The following BTAF1 variants were observed in gnomAD, a reference collection of about 807,000 sequenced individuals.
BTAF1 encodes the protein TATA-binding protein-associated factor 172.
Under a neutral mutation model 227.1 loss-of-function variants are expected in BTAF1, and 38 were observed. That is an observed-to-expected ratio of 0.17 (90% CI 0.13 to 0.22). The LOEUF is 0.22. BTAF1 is among the 10% of genes least tolerant of loss of function. The probability of loss-of-function intolerance (pLI) is 1.00; values close to 1 mark genes in which losing one functional copy is unlikely to be tolerated. For synonymous variants in BTAF1, 742 were observed against 751.9 expected (o/e 0.99, Z 0.21); for missense variants, 1,598 against 2,204.0 (o/e 0.73, Z 5.51).
chr10:92,001,371 A>G (rs1212371662), intron 25 of BTAF1, among the ~76,000 whole-genome samples: 1 of 152,126 alleles, frequency 6.6e-6, no homozygotes, highest in African/African-American at 2.4e-5. Context: ...GAGACTGGGG[A>G]AAGAGTCACT....
At chr10:91,955,599 T>A (rs922609120) in intron 6 of BTAF1, among the ~76,000 whole-genome samples, 5 of 152,146 alleles carry the variant, frequency 3.3e-5, no homozygotes, top group African/African-American at 1.2e-4. Flanking sequence ...TGAGTAACAA[T>A]CTGAAAGAAA....
intron 25 of BTAF1, among the ~76,000 whole-genome samples, chr10:92,001,434 G>T (rs1432891532): frequency 6.6e-6 from 1 of 152,180 alleles, no homozygotes; most frequent in Non-Finnish European, 1.5e-5. Flanking sequence ...GCTGGGAATA[G>T]TTTGTATTTC....
chr10:91,939,152 C>G (rs1345509603), intron 2 of BTAF1, among the ~76,000 whole-genome samples: 2 of 152,044 alleles, frequency 1.3e-5, no homozygotes, highest in South Asian at 2.1e-4. Context: ...TTTCATTGTA[C>G]AAGTCATACA....
intron 21 of BTAF1, among the ~76,000 whole-genome samples, chr10:91,993,240 T>G (rs868749486): frequency 8.1e-4 from 123 of 152,322 alleles, no homozygotes; most frequent in African/African-American, 2.8e-3. Flanking sequence ...GACAGATTTA[T>G]GGACCGTAAT....
chr10:92,007,639 C>T (rs142823693), intron 25 of BTAF1, among the ~76,000 whole-genome samples: 93 of 152,298 alleles, frequency 6.1e-4, no homozygotes, highest in African/African-American at 2.0e-3. Flanking sequence ...CAGAGGTACA[C>T]GCAGTTTTCT....
intron 20 of BTAF1, among the ~76,000 whole-genome samples, chr10:91,991,793 G>GTATA (rs1307734990): frequency 1.4e-3 from 120 of 83,376 alleles, no homozygotes; most frequent in African/African-American, 3.5e-3. Context: ...GTGTGTGTGT[G>GTATA]TGTGTATATA....
intron 14 of BTAF1, among the ~76,000 whole-genome samples, chr10:91,979,679 G>T (rs1847940985): frequency 6.6e-6 from 1 of 152,172 alleles, no homozygotes; most frequent in African/African-American, 2.4e-5. Flanking sequence ...CAGTGAGCTT[G>T]TAATTGTTTG....
chr10:91,958,962 C>A, intron 8 of BTAF1, 103 bp from the exon 9 acceptor site: 1 of 1,002,076 alleles, frequency 1.0e-6, no homozygotes, highest in Non-Finnish European at 1.5e-6. Flanking sequence ...TTAGTTTATT[C>A]TAATTTCTTA....
intron 26 of BTAF1, among the ~76,000 whole-genome samples, chr10:92,008,539 C>T (rs911185350): frequency 1.4e-5 from 2 of 146,988 alleles, no homozygotes; most frequent in African/African-American, 5.1e-5. Flanking sequence ...GTAGAGGCAG[C>T]GTTCTCATTT....
At chr10:92,025,870 A>G (rs907546013) in intron 35 of BTAF1, among the ~76,000 whole-genome samples, 35 of 150,846 alleles carry the variant, frequency 2.3e-4, no homozygotes, top group Non-Finnish European at 4.7e-4. Context: ...CAATAAAGTT[A>G]GAGACCCGGG....
At chr10:91,975,257 A>C (rs1422085828) in intron 14 of BTAF1, among the ~76,000 whole-genome samples, 1 of 152,226 alleles carries the variant, frequency 6.6e-6, no homozygotes, top group Non-Finnish European at 1.5e-5. Context: ...TTACATGAAG[A>C]TATACATGAG....
chr10:91,936,822 T>G (rs1041131406), intron 2 of BTAF1, among the ~76,000 whole-genome samples: 6 of 152,168 alleles, frequency 3.9e-5, no homozygotes, highest in African/African-American at 1.4e-4. Flanking sequence ...TGAACAGGCC[T>G]CATCTGTGCT....
At chr10:92,027,480 A>AT (rs11368442) in intron 37 of BTAF1, among the ~76,000 whole-genome samples, 180 bp downstream of exon 37, 55,300 of 149,304 alleles carry the variant, frequency 0.37, 11,882 homozygotes, top group African/African-American at 0.62. Flanking sequence ...TGAAGTTTTG[A>AT]TTTTTTTTTT....
intron 4 of BTAF1, among the ~76,000 whole-genome samples, chr10:91,944,638 G>C (rs1248355442): frequency 6.6e-6 from 1 of 152,198 alleles, no homozygotes. Context: ...ACAGGTATGT[G>C]TAACTATCAC....
intron 7 of BTAF1, 40 bp from the exon 8 acceptor site, chr10:91,957,185 G>T: frequency 6.7e-7 from 1 of 1,498,494 alleles, no homozygotes; most frequent in Non-Finnish European, 9.3e-7. Flanking sequence ...GCATAAAATA[G>T]ACCTTTTGAA....
chr10:91,963,799 A>G (rs943116664), intron 12 of BTAF1, among the ~76,000 whole-genome samples: 8 of 152,244 alleles, frequency 5.3e-5, no homozygotes, highest in South Asian at 2.1e-4. Flanking sequence ...TTTACATAAA[A>G]TAGTTGTGGC....
At chr10:91,995,689 A>AG (rs1849094796) in intron 23 of BTAF1, among the ~76,000 whole-genome samples, 1 of 151,922 alleles carries the variant, frequency 6.6e-6, no homozygotes, top group Non-Finnish European at 1.5e-5. Context: ...AAAAAAAAGA[A>AG]GGAAAAAAAA....
chr10:91,937,661 G>A (rs1844726063), intron 2 of BTAF1, among the ~76,000 whole-genome samples: 1 of 152,124 alleles, frequency 6.6e-6, no homozygotes, highest in Non-Finnish European at 1.5e-5. Context: ...GGATATACAT[G>A]TGTACATCTT....
chr10:91,983,334 A>G (rs1012097477), intron 18 of BTAF1, among the ~76,000 whole-genome samples: 2 of 152,222 alleles, frequency 1.3e-5, no homozygotes, highest in Admixed American at 1.3e-4. Flanking sequence ...GAAACTTTCT[A>G]CTGGCTTTGT....
Sources: gnomAD v4.1 joint callset for allele counts (sites outside exome capture counted in the v4.1 genomes callset) on GRCh38, gnomAD v4.1.1 for gene constraint, MANE v1.5 for transcripts, NCBI Gene and HGNC (gene_info 2026-07-23, HGNC 2026-07-21) for gene names.